The following CAST variants were observed in gnomAD, a reference collection of about 807,000 sequenced individuals.
CAST encodes MIR583 host.
In CAST, 76 loss-of-function variants were observed where a neutral mutation model predicts 119.6. The observed-to-expected ratio is 0.64, with a 90% CI of 0.53 to 0.77. The LOEUF (loss-of-function observed/expected upper bound fraction) is 0.77. Among genes scored for constraint, CAST ranks in the 30% least tolerant of loss-of-function variants. The pLI, the probability that CAST is intolerant of heterozygous loss-of-function variation, is 0.00. For missense variants in CAST, 953 were observed against 946.5 expected (o/e 1.01, Z -0.09); for synonymous variants, 319 against 331.6 (o/e 0.96, Z 0.41).
chr5:96,095,556 C>CAAAAAA, the CAST span, among the ~76,000 whole-genome samples: 4 of 57,542 alleles, frequency 7.0e-5, no homozygotes, highest in African/African-American at 7.5e-5. Flanking sequence ...GACTCTGTTT[C>CAAAAAA]AAAAAAAAAA....
the CAST span, among the ~76,000 whole-genome samples, chr5:96,136,903 T>C: frequency 2.0e-5 from 3 of 152,234 alleles, no homozygotes; most frequent in African/African-American, 7.2e-5. Flanking sequence ...CCTTTAGTCT[T>C]ACATATTCCA....
At chr5:96,732,857 A>G (rs1321006748) in intron 9 of CAST, among the ~76,000 whole-genome samples, 1 of 152,238 alleles carries the variant, frequency 6.6e-6, no homozygotes, top group Admixed American at 6.5e-5. Context: ...GAGAGCATGT[A>G]ATCAATTTGA....
chr5:96,486,712 G>A, the CAST span, among the ~76,000 whole-genome samples: 1 of 151,688 alleles, frequency 6.6e-6, no homozygotes, highest in Non-Finnish European at 1.5e-5. Flanking sequence ...TGTTGGGGGG[G>A]CAGATTCTGC....
chr5:95,993,950 A>C, the CAST span, among the ~76,000 whole-genome samples: 3 of 152,106 alleles, frequency 2.0e-5, no homozygotes, highest in Non-Finnish European at 4.4e-5. Flanking sequence ...AATTTAAATT[A>C]ATTACTTTAA....
chr5:96,671,910 C>G (rs1351080829), intron 1 of CAST, among the ~76,000 whole-genome samples: 1 of 152,180 alleles, frequency 6.6e-6, no homozygotes, highest in African/African-American at 2.4e-5. Context: ...GTGAAAAGTA[C>G]TCAATTATTT....
At chr5:96,413,980 A>G in the CAST span, among the ~76,000 whole-genome samples, 1 of 148,854 alleles carries the variant, frequency 6.7e-6, no homozygotes, top group Non-Finnish European at 1.5e-5. Flanking sequence ...AAAAAAAAAA[A>G]AAAAAAAAAT....
chr5:96,181,296 G>A, the CAST span, among the ~76,000 whole-genome samples: 1 of 152,192 alleles, frequency 6.6e-6, no homozygotes, highest in South Asian at 2.1e-4. Flanking sequence ...TCCCTCAGGA[G>A]TCACTGCAAT....
At chr5:96,365,111 A>G in the CAST span, among the ~76,000 whole-genome samples, 2 of 152,202 alleles carry the variant, frequency 1.3e-5, no homozygotes, top group Admixed American at 6.5e-5. Context: ...CAGGTTGTTC[A>G]GTTTCCATGT....
At chr5:95,964,031 A>T in the CAST span, among the ~76,000 whole-genome samples, 15 of 151,940 alleles carry the variant, frequency 9.9e-5, no homozygotes, top group African/African-American at 3.4e-4. Flanking sequence ...TAATAGGAAA[A>T]TTTTTCTCAT....
At chr5:96,368,932 G>C in the CAST span, among the ~76,000 whole-genome samples, 1 of 151,972 alleles carries the variant, frequency 6.6e-6, no homozygotes, top group South Asian at 2.1e-4. Context: ...CCTAAAGCTT[G>C]GTATTGCTGT....
chr5:96,263,009 C>T, the CAST span, among the ~76,000 whole-genome samples: 7 of 152,302 alleles, frequency 4.6e-5, no homozygotes, highest in South Asian at 4.1e-4. Context: ...TCCTTCCCCA[C>T]GTCTAGTGAA....
chr5:96,498,061 A>G, the CAST span, among the ~76,000 whole-genome samples: 10 of 152,324 alleles, frequency 6.6e-5, no homozygotes, highest in African/African-American at 2.2e-4. Flanking sequence ...AAGGGATCCA[A>G]TTTCAGCTTT....
intron 1 of CAST, among the ~76,000 whole-genome samples, chr5:96,560,329 T>C (rs1436207020): frequency 6.6e-6 from 1 of 151,930 alleles, no homozygotes; most frequent in Non-Finnish European, 1.5e-5. Context: ...CCAAAAGCAA[T>C]GGCAACAAAA....
At chr5:96,678,476 A>G (rs1423016695) in intron 2 of CAST, among the ~76,000 whole-genome samples, 1 of 152,100 alleles carries the variant, frequency 6.6e-6, no homozygotes, top group East Asian at 1.9e-4. Context: ...ACAGAGGAGG[A>G]CTTTGGGAGG....
the CAST span, among the ~76,000 whole-genome samples, chr5:96,026,295 C>T: frequency 1.3e-5 from 2 of 152,012 alleles, no homozygotes; most frequent in Non-Finnish European, 2.9e-5. Context: ...TATGGTGGGA[C>T]AGTGATTTTG....
At chr5:96,362,519 T>C in the CAST span, among the ~76,000 whole-genome samples, 6 of 152,244 alleles carry the variant, frequency 3.9e-5, no homozygotes, top group East Asian at 1.9e-4. Flanking sequence ...TTTGAATGAT[T>C]GCCATTCTAA....
the CAST span, among the ~76,000 whole-genome samples, chr5:96,029,430 A>T: frequency 8.5e-5 from 13 of 152,132 alleles, no homozygotes; most frequent in Non-Finnish European, 1.6e-4. Context: ...ATGAAACTTC[A>T]TGTGCAATAT....
the CAST span, among the ~76,000 whole-genome samples, chr5:96,035,658 G>A: frequency 6.6e-6 from 1 of 151,690 alleles, no homozygotes; most frequent in East Asian, 1.9e-4. Context: ...GGAGGAATTA[G>A]GTACCTAGAA....
chr5:96,548,668 A>T (rs1746063173), intron 1 of CAST, among the ~76,000 whole-genome samples: 2 of 152,204 alleles, frequency 1.3e-5, no homozygotes, highest in African/African-American at 2.4e-5. Context: ...CAAAGGGGGA[A>T]CAACCCTAGA....
Sources: gnomAD v4.1 joint callset for allele counts (sites outside exome capture counted in the v4.1 genomes callset) on GRCh38, gnomAD v4.1.1 for gene constraint, MANE v1.5 for transcripts, NCBI Gene and HGNC (gene_info 2026-07-23, HGNC 2026-07-21) for gene names.